SGIP1: variants seen among roughly 807,000 people sequenced by gnomAD.
The protein encoded by SGIP1 is SH3-containing GRB2-like protein 3-interacting protein 1.
A neutral mutation model predicts 107.5 loss-of-function variants in SGIP1; 38 were observed. The observed-to-expected ratio is 0.35, with a 90% CI of 0.27 to 0.46. SGIP1 has a LOEUF of 0.46. Ranked by LOEUF, SGIP1 falls within the 20% of genes least tolerant of loss-of-function variation. SGIP1 has a pLI of 1.00. For missense variants in SGIP1, 929 were observed against 1,019.5 expected, an observed-to-expected ratio of 0.91 and a Z score of 1.21; for synonymous variants, 365 against 366.1, an observed-to-expected ratio of 1.00 and a Z score of 0.03.
intron 15 of SGIP1, among the ~76,000 whole-genome samples, chr1:66,682,981 G>A (rs1026423676): frequency 6.6e-6 from 1 of 152,106 alleles, no homozygotes; most frequent in African/African-American, 2.4e-5. Context: ...CAATCAAGCT[G>A]TCACTGAAGA....
chr1:66,548,935 C>A (rs1032497903), intron 1 of SGIP1, among the ~76,000 whole-genome samples: 1 of 152,204 alleles, frequency 6.6e-6, no homozygotes, highest in Non-Finnish European at 1.5e-5. Context: ...GCAAGGCTTC[C>A]TGTAGGTGGG....
At chr1:66,717,095 T>C (rs2093290913) in intron 18 of SGIP1, among the ~76,000 whole-genome samples, 1 of 152,176 alleles carries the variant, frequency 6.6e-6, no homozygotes, top group South Asian at 2.1e-4. Flanking sequence ...AGTGCTTTCA[T>C]AGAGCTTTGC....
intron 1 of SGIP1, among the ~76,000 whole-genome samples, chr1:66,545,975 T>A (rs1244309718): frequency 1.3e-5 from 2 of 152,202 alleles, no homozygotes; most frequent in African/African-American, 4.8e-5. Flanking sequence ...TGTGTGTAAA[T>A]GCTCAATAAA....
At chr1:66,534,479 T>A (rs1445579) in intron 1 of SGIP1, 111 bp downstream of exon 1, 25 of 1,261,820 alleles carry the variant, frequency 2.0e-5, no homozygotes, top group Non-Finnish European at 2.7e-5. Context: ...TGGTTGCCAA[T>A]GTTTTGCAAG....
At chr1:66,716,414 C>A (rs2093246912) in intron 18 of SGIP1, among the ~76,000 whole-genome samples, 2 of 152,216 alleles carry the variant, frequency 1.3e-5, no homozygotes, top group Non-Finnish European at 2.9e-5. Flanking sequence ...ATGACATTCC[C>A]TTTATATACC....
intron 18 of SGIP1, among the ~76,000 whole-genome samples, chr1:66,698,049 T>C (rs2091263850): frequency 6.6e-6 from 1 of 152,194 alleles, no homozygotes; most frequent in Non-Finnish European, 1.5e-5. Context: ...TAAATAGTAT[T>C]TTTACAGTGT....
chr1:66,661,684 C>A (rs2872078), intron 8 of SGIP1, among the ~76,000 whole-genome samples: 105,547 of 152,030 alleles, frequency 0.69, 38,406 homozygotes, highest in East Asian at 1. Context: ...CTTTTCTTAC[C>A]CTTTACCAAT....
At chr1:66,633,254 TA>T (rs2075155476) in intron 3 of SGIP1, among the ~76,000 whole-genome samples, 160 bp downstream of exon 3, 1 of 152,110 alleles carries the variant, frequency 6.6e-6, no homozygotes, top group Non-Finnish European at 1.5e-5. Context: ...GCATGGGACA[TA>T]AACATAGTCC....
chr1:66,731,339 A>T (rs2094000254), intron 20 of SGIP1, among the ~76,000 whole-genome samples: 1 of 152,184 alleles, frequency 6.6e-6, no homozygotes, highest in Admixed American at 6.5e-5. Context: ...TTGTTTGTAA[A>T]TATGACTGGT....
At chr1:66,674,091 C>G (rs1490994325) in intron 12 of SGIP1, among the ~76,000 whole-genome samples, 1 of 151,946 alleles carries the variant, frequency 6.6e-6, no homozygotes, top group South Asian at 2.1e-4. Context: ...TCACTTAAGC[C>G]CAGGAAGTCA....
At chr1:66,646,296 A>G (rs1252889279) in intron 7 of SGIP1, among the ~76,000 whole-genome samples, 1 of 152,170 alleles carries the variant, frequency 6.6e-6, no homozygotes, top group Non-Finnish European at 1.5e-5. Flanking sequence ...ATACATCTAT[A>G]CTTTCTTCAG....
intron 19 of SGIP1, among the ~76,000 whole-genome samples, chr1:66,728,493 C>A (rs958607630): frequency 2.6e-5 from 4 of 152,156 alleles, no homozygotes; most frequent in African/African-American, 9.7e-5. Context: ...AGAAATGATA[C>A]ACTGCTGGTG....
At chr1:66,535,406 T>C (rs2147937110) in intron 1 of SGIP1, among the ~76,000 whole-genome samples, 1 of 152,350 alleles carries the variant, frequency 6.6e-6, no homozygotes, top group African/African-American at 2.4e-5. Context: ...GGCCACCTCT[T>C]AAGCCAAGGT....
At chr1:66,694,216 CTT>C (rs5774832) in intron 17 of SGIP1, among the ~76,000 whole-genome samples, 617 of 146,986 alleles carry the variant, frequency 4.2e-3, no homozygotes, top group African/African-American at 6.2e-3. Context: ...TAAACCCTGG[CTT>C]TTTTTTTTTT....
chr1:66,605,794 T>C, intron 1 of SGIP1, among the ~76,000 whole-genome samples: 1 of 152,156 alleles, frequency 6.6e-6, no homozygotes, highest in East Asian at 1.9e-4. Flanking sequence ...GCATTATTGC[T>C]CAATACCACT....
chr1:66,577,272 G>A (rs987058219), intron 1 of SGIP1, among the ~76,000 whole-genome samples: 2 of 152,128 alleles, frequency 1.3e-5, no homozygotes, highest in Non-Finnish European at 2.9e-5. Flanking sequence ...TTCATGGCAT[G>A]TGCTTACAGC....
intron 1 of SGIP1, among the ~76,000 whole-genome samples, chr1:66,558,724 G>A (rs2058526771): frequency 6.6e-6 from 1 of 151,090 alleles, no homozygotes; most frequent in Non-Finnish European, 1.5e-5. Context: ...TTAGCCTTCA[G>A]TTTGTTTTTT....
chr1:66,747,954 T>C lies in SGIP1; in HGVS notation c.*4859T>C, dbSNP rs2094574965. On this transcript the variant is annotated 3_prime_UTR_variant, in exon 25 of 25. Transcript: ENST00000371037. ...TCAAAACAAGAGTGATCTCTAAATA[T>C]AGCTTTGAAAGTTAATATAATATGA... The C allele has an allele frequency of 6.6e-6, 1 of 151,982 alleles. No homozygotes were observed. Among genetic ancestry groups the C allele is most frequent in the East Asian group, 1.9e-4 (1 of 5,200 alleles). 9.4% of individuals were successfully genotyped at this position (151,982 alleles called of 1,614,324 possible). A position where few individuals can be genotyped will look rare whatever the true frequency, so the allele number is the denominator to read the frequency against.
chr1:66,601,456 A>C (rs2065810476), intron 1 of SGIP1, among the ~76,000 whole-genome samples: 1 of 152,108 alleles, frequency 6.6e-6, no homozygotes, highest in Admixed American at 6.6e-5. Flanking sequence ...AAACTTACAC[A>C]GTTTTCTCTG....
Sources: gnomAD v4.1 joint callset for allele counts (sites outside exome capture counted in the v4.1 genomes callset) on GRCh38, gnomAD v4.1.1 for gene constraint, MANE v1.5 for transcripts, NCBI Gene and HGNC (gene_info 2026-07-23, HGNC 2026-07-21) for gene names.